The following GPATCH2 variants were observed in gnomAD, a reference collection of about 807,000 sequenced individuals.
GPATCH2 encodes G-patch domain containing 2.
A neutral mutation model predicts 58.0 loss-of-function variants in GPATCH2; 51 were observed. That is an observed-to-expected ratio of 0.88 (90% CI 0.70 to 1.11). The LOEUF is 1.11. Among genes scored for constraint, GPATCH2 ranks in the 50% most tolerant of loss-of-function variants. The pLI is 0.00. For synonymous variants in GPATCH2, 222 were observed against 218.5 expected (o/e 1.02, Z -0.14); for missense variants, 625 against 652.2 (o/e 0.96, Z 0.45).
At chr1:217,619,744 G>T (rs759367115) in intron 2 of GPATCH2, 39 bp downstream of exon 2, 1 of 756,358 alleles carries the variant, frequency 1.3e-6, no homozygotes, top group South Asian at 3.1e-5. Flanking sequence ...ACAAACACTG[G>T]AGATAAATAT....
intron 5 of GPATCH2, among the ~76,000 whole-genome samples, chr1:217,520,557 G>C (rs992360130): frequency 2.6e-5 from 4 of 152,114 alleles, no homozygotes; most frequent in African/African-American, 9.7e-5. Flanking sequence ...GACCTATATA[G>C]TATCGACTAG....
intron 5 of GPATCH2, among the ~76,000 whole-genome samples, chr1:217,515,438 G>T (rs983066465): frequency 2.0e-5 from 3 of 152,050 alleles, no homozygotes; most frequent in African/African-American, 7.2e-5. Flanking sequence ...AATCTTGGCC[G>T]GGCACAGTGG....
In GPATCH2 at chr1:217,592,373, G is replaced by T. The variant is rs73105660; in HGVS notation, c.1098+17948C>A. 4.9e-3 allele frequency among the ~76,000 whole-genome samples: 745 copies of T among 151,990 alleles called. 14 individuals are homozygous for T. The highest frequency in any genetic ancestry group is 0.017 in the African/African-American group (717 of 41,532). On this transcript the variant is annotated intron_variant, in intron 5 of 9. Coordinates refer to ENST00000366935, the MANE Select transcript of GPATCH2 (RefSeq NM_018040.5). ...TTTCAAACACATTTTTATTAAATTG[G>T]TGGGAAAGTAGATGGCTTCTCACTT...
At chr1:217,625,585 T>C (rs1364374625) in intron 1 of GPATCH2, among the ~76,000 whole-genome samples, 1 of 152,144 alleles carries the variant, frequency 6.6e-6, no homozygotes, top group Admixed American at 6.5e-5. Context: ...AAAGTATATA[T>C]AGAAAAGTTA....
intron 2 of GPATCH2, among the ~76,000 whole-genome samples, chr1:217,615,321 G>T (rs1668830649): frequency 6.6e-6 from 1 of 151,970 alleles, no homozygotes; most frequent in Non-Finnish European, 1.5e-5. Context: ...ATTCTTCCAA[G>T]GAGTTCTGAA....
chr1:217,618,494 C>T (rs1208021703), intron 2 of GPATCH2, among the ~76,000 whole-genome samples: 3 of 151,950 alleles, frequency 2.0e-5, no homozygotes, highest in Admixed American at 6.6e-5. Context: ...AGGCATGAGC[C>T]GCCATGCTCA....
intron 5 of GPATCH2, among the ~76,000 whole-genome samples, chr1:217,562,741 T>A (rs1665989400): frequency 6.6e-6 from 1 of 152,222 alleles, no homozygotes; most frequent in African/African-American, 2.4e-5. Context: ...AATGTGATCC[T>A]GAATAACTCA....
intron 8 of GPATCH2, among the ~76,000 whole-genome samples, chr1:217,473,916 A>G (rs2102506684): frequency 6.6e-6 from 1 of 152,366 alleles, no homozygotes; most frequent in Admixed American, 6.5e-5. Flanking sequence ...AAGAAAGATT[A>G]TAAGACTAAT....
intron 9 of GPATCH2, among the ~76,000 whole-genome samples, chr1:217,442,560 A>C (rs1479412066): frequency 6.6e-6 from 1 of 152,204 alleles, no homozygotes; most frequent in Non-Finnish European, 1.5e-5. Flanking sequence ...CCAACTGATT[A>C]AGGTTTTATT....
chr1:217,591,734 A>C (rs749994795), intron 5 of GPATCH2, among the ~76,000 whole-genome samples: 4 of 152,266 alleles, frequency 2.6e-5, no homozygotes, highest in Admixed American at 2.0e-4. Flanking sequence ...CAATTCTATA[A>C]GATAACTAGA....
At chr1:217,538,289 C>A (rs920678388) in intron 5 of GPATCH2, among the ~76,000 whole-genome samples, 1 of 152,144 alleles carries the variant, frequency 6.6e-6, no homozygotes, top group African/African-American at 2.4e-5. Flanking sequence ...CCTTTGTACA[C>A]CTAAATGTCA....
At chr1:217,572,099 A>G (rs148742465) in intron 5 of GPATCH2, among the ~76,000 whole-genome samples, 2 of 152,082 alleles carry the variant, frequency 1.3e-5, no homozygotes, top group African/African-American at 4.8e-5. Context: ...GAAATGTGCA[A>G]GTATTTGTGG....
intron 5 of GPATCH2, among the ~76,000 whole-genome samples, chr1:217,544,470 T>TA (rs1046155501): frequency 2.6e-5 from 4 of 151,704 alleles, no homozygotes; most frequent in African/African-American, 7.3e-5. Context: ...AACATTCTTT[T>TA]AAAAAAAAAG....
chr1:217,611,087 A>AC lies in GPATCH2; in HGVS notation c.836-17_836-16insG. 8 of 1,595,820 alleles carry AC rather than the reference A, an allele frequency of 5.0e-6. No homozygotes were observed. The highest frequency in any genetic ancestry group is 6.8e-6 in the Non-Finnish European group (8 of 1,170,808). On this transcript the variant is annotated splice_polypyrimidine_tract_variant and intron_variant, in intron 3 of 9. Transcript: ENST00000366935. ...TCATCATCACCTGTGCAAATACAAG[A>AC]AACCCCCCCCCACCAAAGACTCAGT...
At chr1:217,473,067 G>A (rs1450353030) in intron 8 of GPATCH2, among the ~76,000 whole-genome samples, 2 of 152,138 alleles carry the variant, frequency 1.3e-5, no homozygotes, top group African/African-American at 4.8e-5. Context: ...CCTGAGCCTT[G>A]GGAGGCTGCT....
chr1:217,605,791 G>A (rs1668334047), intron 5 of GPATCH2, among the ~76,000 whole-genome samples: 1 of 152,102 alleles, frequency 6.6e-6, no homozygotes, highest in Non-Finnish European at 1.5e-5. Context: ...CTTACATAAG[G>A]TTACTTGGAT....
intron 5 of GPATCH2, among the ~76,000 whole-genome samples, chr1:217,579,445 C>T (rs558824333): frequency 1.1e-4 from 16 of 151,566 alleles, no homozygotes; most frequent in Admixed American, 4.6e-4. Flanking sequence ...TTGGAAAATT[C>T]GCTTGACTTA....
intron 6 of GPATCH2, among the ~76,000 whole-genome samples, chr1:217,501,006 C>T (rs568672631): frequency 3.3e-5 from 5 of 152,194 alleles, no homozygotes; most frequent in African/African-American, 1.2e-4. Context: ...ACAACTAAGA[C>T]ACTGAGACTG....
chr1:217,547,660 C>A (rs866723287), intron 5 of GPATCH2, among the ~76,000 whole-genome samples: 9 of 152,132 alleles, frequency 5.9e-5, no homozygotes, highest in Non-Finnish European at 7.4e-5. Context: ...GAATGTGGCA[C>A]ACAGACACCA....
Sources: allele counts gnomAD v4.1 joint callset (sites outside exome capture counted in the v4.1 genomes callset), GRCh38; gene constraint gnomAD v4.1.1; transcripts MANE v1.5; gene names NCBI Gene and HGNC (gene_info 2026-07-23, HGNC 2026-07-21).